The following TENM3 variants were observed in gnomAD, a reference collection of about 807,000 sequenced individuals.
The protein encoded by TENM3 is teneurin transmembrane protein 3, also known as teneurin-3.
In TENM3, 63 loss-of-function variants were observed where a neutral mutation model predicts 255.1. The ratio of observed to expected loss-of-function variants is 0.25; its 90% CI spans 0.20 to 0.30. TENM3 has a LOEUF of 0.30. TENM3 is among the 10% of genes least tolerant of loss of function. The pLI, the probability that TENM3 is intolerant of heterozygous loss-of-function variation, is 1.00. For missense variants in TENM3, 2,929 were observed against 3,461.1 expected, an observed-to-expected ratio of 0.85 and a Z score of 3.86; for synonymous variants, 1,306 against 1,322.3, an observed-to-expected ratio of 0.99 and a Z score of 0.27.
At chr4:182,454,417 A>C (rs1773710298) in intron 3 of TENM3, among the ~76,000 whole-genome samples, 2 of 152,288 alleles carry the variant, frequency 1.3e-5, no homozygotes, top group South Asian at 4.1e-4. Context: ...GAAGGTGATC[A>C]GGTTAGCTAA....
the TENM3 span, among the ~76,000 whole-genome samples, chr4:181,679,224 G>T: frequency 2.0e-5 from 3 of 152,054 alleles, no homozygotes; most frequent in African/African-American, 2.4e-5. Context: ...GTACCTCACT[G>T]CCAGTTTCTG....
chr4:182,431,443 G>A (rs560156563), intron 3 of TENM3, among the ~76,000 whole-genome samples: 1 of 152,222 alleles, frequency 6.6e-6, no homozygotes, highest in South Asian at 2.1e-4. Context: ...GCAGTGTGCC[G>A]AGATCGCGCC....
chr4:181,888,618 G>GA, the TENM3 span, among the ~76,000 whole-genome samples: 1 of 111,784 alleles, frequency 8.9e-6, no homozygotes, highest in African/African-American at 3.1e-5. Flanking sequence ...GTGTGTGTGT[G>GA]GAAAGAGAGA....
chr4:181,914,551 A>G, the TENM3 span, among the ~76,000 whole-genome samples: 1 of 152,214 alleles, frequency 6.6e-6, no homozygotes, highest in Admixed American at 6.5e-5. Flanking sequence ...GGTACCCAGC[A>G]TTGTCCACAT....
chr4:182,247,225 T>C (rs1387594097), intron 1 of TENM3, among the ~76,000 whole-genome samples: 2 of 152,134 alleles, frequency 1.3e-5, no homozygotes, highest in East Asian at 3.9e-4. Flanking sequence ...GAAATTGACA[T>C]ATAGAGGTGG....
chr4:181,564,343 G>A, the TENM3 span, among the ~76,000 whole-genome samples: 2 of 152,024 alleles, frequency 1.3e-5, no homozygotes, highest in East Asian at 1.9e-4. Flanking sequence ...CTTATGAAGC[G>A]GGCACTGTTT....
chr4:182,256,742 AT>A (rs1758427853), intron 1 of TENM3, among the ~76,000 whole-genome samples: 1 of 152,182 alleles, frequency 6.6e-6, no homozygotes, highest in South Asian at 2.1e-4. Flanking sequence ...GAATTTTGAT[AT>A]TCTTGTTACT....
intron 1 of TENM3, among the ~76,000 whole-genome samples, chr4:182,303,789 G>A (rs904003214): frequency 1.3e-5 from 2 of 152,134 alleles, no homozygotes; most frequent in African/African-American, 4.8e-5. Context: ...TTTAGCTATG[G>A]ACATTAAACT....
chr4:182,777,019 G>T (rs1020730146), intron 24 of TENM3, among the ~76,000 whole-genome samples: 9 of 152,072 alleles, frequency 5.9e-5, no homozygotes, highest in Non-Finnish European at 1.2e-4. Flanking sequence ...TTCCTCTGTG[G>T]ATTCTAAGGG....
At chr4:181,937,805 A>T in the TENM3 span, among the ~76,000 whole-genome samples, 1 of 152,224 alleles carries the variant, frequency 6.6e-6, no homozygotes, top group Non-Finnish European at 1.5e-5. Flanking sequence ...CTGGCTGCTC[A>T]GTTGCCCCAG....
the TENM3 span, among the ~76,000 whole-genome samples, chr4:181,665,822 A>T: frequency 6.6e-6 from 1 of 152,148 alleles, no homozygotes; most frequent in African/African-American, 2.4e-5. Context: ...TGTTCAAGAA[A>T]GAAAAGAAGT....
chr4:181,604,525 G>A, the TENM3 span, among the ~76,000 whole-genome samples: 3 of 152,074 alleles, frequency 2.0e-5, no homozygotes, highest in East Asian at 5.8e-4. Flanking sequence ...GCCTCAAATG[G>A]GATGGCTGTG....
intron 1 of TENM3, among the ~76,000 whole-genome samples, chr4:182,295,097 T>C (rs1247633810): frequency 6.6e-6 from 1 of 152,086 alleles, no homozygotes; most frequent in Non-Finnish European, 1.5e-5. Context: ...TTTATGTGAA[T>C]GCTAAATGAT....
intron 1 of TENM3, among the ~76,000 whole-genome samples, chr4:182,186,762 C>CACAT (rs1753177281): frequency 7.3e-5 from 2 of 27,498 alleles, no homozygotes; most frequent in African/African-American, 2.5e-4. Context: ...ACTAATGCAT[C>CACAT]ATATATATAT....
the TENM3 span, among the ~76,000 whole-genome samples, chr4:181,952,006 C>T: frequency 2.6e-5 from 4 of 152,042 alleles, no homozygotes; most frequent in Non-Finnish European, 4.4e-5. Flanking sequence ...TGAAGTATTG[C>T]TGTATTATAT....
chr4:182,346,721 G>A lies in TENM3; in HGVS notation c.303G>A (p.Ala101=), dbSNP rs189642302. ...PATRRGLAFC[A]EMGLPHRGYS... ...CTCGAAGAGGACTGGCATTTTGTGC[G>A]GAAATGGGGCTCCCTCACAGAGGTT... is the stretch of plus-strand genomic sequence containing the variant. Residue 101 remains alanine (A), a synonymous_variant, in exon 3 of 28, where the codon GCG becomes GCA. Coordinates refer to ENST00000511685, the MANE Select transcript of TENM3 (RefSeq NM_001080477.4). The A allele has an allele frequency of 6.2e-7, 1 of 1,613,526 alleles. No individual in the cohort carries two copies. Among genetic ancestry groups the A allele is most frequent in the African/African-American group, 1.3e-5 (1 of 74,858 alleles).
At chr4:182,654,726 T>C (rs1050314786) in intron 6 of TENM3, among the ~76,000 whole-genome samples, 10 of 152,198 alleles carry the variant, frequency 6.6e-5, no homozygotes, top group Non-Finnish European at 8.8e-5. Context: ...TTGGCATTAA[T>C]ATGTCTATCC....
chr4:182,773,087 A>C lies in TENM3; in HGVS notation c.4893-385A>C, dbSNP rs960857884. 1.1e-4 allele frequency among the ~76,000 whole-genome samples: 16 copies of C among 152,366 alleles called. No homozygotes were observed. The East Asian group carries it at 2.1e-3, about 20-fold the overall frequency. ...CTGCCACCGAGGGAGTAAGTCAGTA[A>C]ATCTTTAAGAACTGATGTAACAGTG... On this transcript the variant is annotated intron_variant, in intron 22 of 27. Coordinates refer to ENST00000511685, the MANE Select transcript of TENM3 (RefSeq NM_001080477.4).
At chr4:182,072,544 A>G in the TENM3 span, among the ~76,000 whole-genome samples, 1 of 152,228 alleles carries the variant, frequency 6.6e-6, no homozygotes, top group Non-Finnish European at 1.5e-5. Flanking sequence ...TATTGATAAT[A>G]AAGTATTTGA....
Sources: gnomAD v4.1 joint callset for allele counts (sites outside exome capture counted in the v4.1 genomes callset) on GRCh38, gnomAD v4.1.1 for gene constraint, MANE v1.5 for transcripts, NCBI Gene and HGNC (gene_info 2026-07-23, HGNC 2026-07-21) for gene names.